Variants in UTRN observed in about 807,000 individuals in gnomAD.
The protein encoded by UTRN is dystrophin-related protein 1.
Under a neutral mutation model 463.9 loss-of-function variants are expected in UTRN, and 283 were observed. That is an observed-to-expected ratio of 0.61 (90% confidence interval 0.55 to 0.67). The LOEUF is 0.67. Among genes scored for constraint, UTRN ranks in the 30% least tolerant of loss-of-function variants. The pLI is 0.00. For missense variants in UTRN, 3,922 were observed against 4,084.3 expected, an observed-to-expected ratio of 0.96 and a Z score of 1.08; for synonymous variants, 1,442 against 1,431.5, an observed-to-expected ratio of 1.01 and a Z score of -0.17.
At chr6:144,579,493 A>G (rs892214938) in intron 51 of UTRN, among the ~76,000 whole-genome samples, 4 of 152,174 alleles carry the variant, frequency 2.6e-5, no homozygotes, top group African/African-American at 4.8e-5. Context: ...CACCAGCAAA[A>G]CACAGGCCTA....
intron 1 of UTRN, among the ~76,000 whole-genome samples, chr6:144,291,063 C>T (rs972717822): frequency 1.8e-4 from 28 of 152,110 alleles, no homozygotes; most frequent in African/African-American, 6.3e-4. Context: ...CATGAGCCAC[C>T]GTGCCCGTCC....
intron 70 of UTRN, 126 bp from the exon 71 acceptor site, chr6:144,836,175 C>A (rs1562967140): frequency 7.0e-7 from 1 of 1,429,630 alleles, no homozygotes; most frequent in Non-Finnish European, 9.2e-7. Context: ...GCATGCTCAT[C>A]CTGCTATTAA....
intron 61 of UTRN, among the ~76,000 whole-genome samples, chr6:144,788,621 A>G (rs1776492869): frequency 2.0e-5 from 3 of 150,594 alleles, no homozygotes; most frequent in African/African-American, 7.4e-5. Flanking sequence ...CTGGAGTGCA[A>G]TGGCACGATC....
intron 74 of UTRN, among the ~76,000 whole-genome samples, chr6:144,850,698 C>T (rs1278531363): frequency 6.6e-6 from 1 of 152,134 alleles, no homozygotes; most frequent in Non-Finnish European, 1.5e-5. Flanking sequence ...CTCATTCGCT[C>T]ACCATTGGTA....
At chr6:144,419,747 C>T (rs1045601773) in intron 3 of UTRN, among the ~76,000 whole-genome samples, 1 of 152,152 alleles carries the variant, frequency 6.6e-6, no homozygotes, top group African/African-American at 2.4e-5. Context: ...TTGCCCACTC[C>T]CTGGCTTGCA....
rs1175934612 is a variant in UTRN at position 144,452,945 on chromosome 6, GAAA to G, written c.2197-823_2197-821del. Among the ~76,000 whole-genome samples the G allele has an allele frequency of 1.8e-3, 124 of 69,822 alleles. 1 individual carries two copies. The highest frequency in any genetic ancestry group is 0.016 in the East Asian group (36 of 2,312). The allele number at this position is 69,822 out of a possible 152,430, so 45.8% of individuals were successfully genotyped here. On this transcript the variant is annotated intron_variant, in intron 18 of 74. Transcript: ENST00000367545. ...TGACAGAGTGACAACCTGCCTCAAAGAAAAAAAAAAAAAAAAGGAACAAAATGC... is the reference window on the plus strand; with the variant it reads ...TGACAGAGTGACAACCTGCCTCAAAGAAAAAAAAAAAAAGGAACAAAATGC...
chr6:144,328,419 TAGG>T (rs1391879951), intron 2 of UTRN, among the ~76,000 whole-genome samples: 1 of 152,080 alleles, frequency 6.6e-6, no homozygotes, highest in Non-Finnish European at 1.5e-5. Context: ...AGAATATTCT[TAGG>T]AGTGTCAGGG....
chr6:144,353,528 G>T (rs2114664772), intron 2 of UTRN, among the ~76,000 whole-genome samples: 1 of 152,142 alleles, frequency 6.6e-6, no homozygotes, highest in East Asian at 1.9e-4. Context: ...AAAGTGCTGG[G>T]ATAACAGGCG....
chr6:144,564,215 G>C (rs1387403565), intron 50 of UTRN, among the ~76,000 whole-genome samples: 1 of 152,124 alleles, frequency 6.6e-6, no homozygotes, highest in Non-Finnish European at 1.5e-5. Flanking sequence ...GGTTGTTTTG[G>C]AGGTAAGAGA....
chr6:144,720,537 A>AT (rs1415972722), intron 53 of UTRN, among the ~76,000 whole-genome samples: 1 of 152,156 alleles, frequency 6.6e-6, no homozygotes, highest in African/African-American at 2.4e-5. Context: ...GGAAACTGTG[A>AT]TTTTTAGTAG....
chr6:144,400,366 T>C (rs1462431940), intron 2 of UTRN, among the ~76,000 whole-genome samples: 1 of 152,208 alleles, frequency 6.6e-6, no homozygotes, highest in Non-Finnish European at 1.5e-5. Flanking sequence ...GGAAGTTCTG[T>C]ATAAATTTCT....
At chr6:144,464,484 T>G (rs988049852) in intron 23 of UTRN, among the ~76,000 whole-genome samples, 1 of 152,042 alleles carries the variant, frequency 6.6e-6, no homozygotes, top group Non-Finnish European at 1.5e-5. Context: ...TTTGTGTGGC[T>G]TAGTGTTTTT....
intron 2 of UTRN, among the ~76,000 whole-genome samples, chr6:144,325,874 G>A (rs1020269652): frequency 1.3e-5 from 2 of 151,212 alleles, no homozygotes; most frequent in Non-Finnish European, 2.9e-5. Flanking sequence ...AGAACAGAAT[G>A]TGATAAAAAA....
At chr6:144,662,395 A>G (rs1487667837) in intron 51 of UTRN, among the ~76,000 whole-genome samples, 1 of 152,234 alleles carries the variant, frequency 6.6e-6, no homozygotes, top group Non-Finnish European at 1.5e-5. Flanking sequence ...GCCTACTGCT[A>G]TAATGCAGAA....
chr6:144,782,278 A>C (rs924974844), intron 61 of UTRN, among the ~76,000 whole-genome samples, 155 bp downstream of exon 61: 1 of 152,208 alleles, frequency 6.6e-6, no homozygotes, highest in African/African-American at 2.4e-5. Context: ...ATGATTTTAC[A>C]AATCATTGAG....
intron 70 of UTRN, 68 bp downstream of exon 70, chr6:144,836,006 TTTATTC>T (rs1781072044): frequency 6.4e-7 from 1 of 1,561,972 alleles, no homozygotes; most frequent in African/African-American, 1.4e-5. Flanking sequence ...GTAGCCCCCA[TTTATTC>T]TCTTTTTCAA....
At chr6:144,523,795 A>C (rs966912077) in intron 41 of UTRN, among the ~76,000 whole-genome samples, 2 of 152,230 alleles carry the variant, frequency 1.3e-5, no homozygotes, top group Non-Finnish European at 1.5e-5. Flanking sequence ...TCACTTTCTC[A>C]GCACACTTGA....
At chr6:144,338,220 C>T (rs1021244168) in intron 2 of UTRN, among the ~76,000 whole-genome samples, 4 of 151,888 alleles carry the variant, frequency 2.6e-5, no homozygotes, top group Admixed American at 2.6e-4. Flanking sequence ...TATTTTTAGA[C>T]ATGTGCTTTT....
chr6:144,450,150 C>T (rs774302400), intron 17 of UTRN, among the ~76,000 whole-genome samples: 4 of 152,138 alleles, frequency 2.6e-5, no homozygotes, highest in Admixed American at 6.5e-5. Flanking sequence ...AGCCTGTTCT[C>T]GACTCGTCTC....
Sources: gnomAD v4.1 joint callset for allele counts (sites outside exome capture counted in the v4.1 genomes callset) on GRCh38, gnomAD v4.1.1 for gene constraint, MANE v1.5 for transcripts, NCBI Gene and HGNC (gene_info 2026-07-23, HGNC 2026-07-21) for gene names.